The following ZFHX3 variants were observed in gnomAD, a reference collection of about 807,000 sequenced individuals.
ZFHX3 encodes zinc finger homeobox 3.
ZFHX3 carries 42 observed loss-of-function variants against 279.1 expected under a neutral mutation model. That is an observed-to-expected ratio of 0.15 (90% confidence interval 0.12 to 0.19). The LOEUF is 0.19. Among genes scored for constraint, ZFHX3 ranks in the 10% least tolerant of loss-of-function variants. The pLI, the probability that ZFHX3 is intolerant of heterozygous loss-of-function variation, is 1.00. For synonymous variants in ZFHX3, 2,293 were observed against 1,957.8 expected (o/e 1.17, Z -4.52); for missense variants, 4,981 against 4,754.0 (o/e 1.05, Z -1.40).
intron 1 of ZFHX3, among the ~76,000 whole-genome samples, chr16:73,004,515 T>G (rs1430841081): frequency 6.6e-6 from 1 of 151,834 alleles, no homozygotes; most frequent in East Asian, 1.9e-4. Context: ...GGTTTCCCCA[T>G]GTTGGCCAGG....
chr16:73,631,842 G>A (rs770129802), intron 2 of ZFHX3, among the ~76,000 whole-genome samples: 150 of 152,050 alleles, frequency 9.9e-4, no homozygotes, highest in Non-Finnish European at 1.7e-3. Context: ...GGGAGGTGGA[G>A]GTTGCAGTGA....
chr16:72,987,242 A>C (rs1317938015), intron 1 of ZFHX3, among the ~76,000 whole-genome samples: 1 of 152,068 alleles, frequency 6.6e-6, no homozygotes, highest in Non-Finnish European at 1.5e-5. Flanking sequence ...CCCATCCCTC[A>C]CTCAACTCTC....
At chr16:72,946,316 G>C (rs1960673801) in intron 3 of ZFHX3, among the ~76,000 whole-genome samples, 1 of 152,178 alleles carries the variant, frequency 6.6e-6, no homozygotes, top group Non-Finnish European at 1.5e-5. Context: ...ATGTGGCCCA[G>C]ACTCAACACC....
intron 6 of ZFHX3, chr16:73,131,171 C>A: frequency 2.4e-6 from 1 of 416,810 alleles, no homozygotes; most frequent in Non-Finnish European, 5.0e-6. Context: ...TATGAAAATA[C>A]CATGAGCACA....
At chr16:72,848,941 T>C (rs2037545371) in intron 4 of ZFHX3, among the ~76,000 whole-genome samples, 1 of 152,076 alleles carries the variant, frequency 6.6e-6, no homozygotes, top group African/African-American at 2.4e-5. Flanking sequence ...GCTGCCAGGT[T>C]ATGCTTGGCA....
chr16:72,856,131 G>A (rs550121314), intron 4 of ZFHX3, among the ~76,000 whole-genome samples: 23 of 152,358 alleles, frequency 1.5e-4, no homozygotes, highest in African/African-American at 4.8e-4. Flanking sequence ...TTAGCAATGA[G>A]TGTTTAGAGC....
chr16:72,968,021 AAAC>A (rs1177492412), intron 1 of ZFHX3, among the ~76,000 whole-genome samples: 3 of 151,368 alleles, frequency 2.0e-5, no homozygotes, highest in Admixed American at 6.6e-5. Flanking sequence ...GGAAAAAAAA[AAAC>A]AACAACAATA....
chr16:73,303,963 GAAAAAA>G (rs201865011), intron 4 of ZFHX3, among the ~76,000 whole-genome samples: 32 of 76,130 alleles, frequency 4.2e-4, no homozygotes, highest in Non-Finnish European at 7.4e-4. Context: ...ACCCTAGGTG[GAAAAAA>G]AAAAAAAAAA....
chr16:73,430,884 C>A (rs145514373), intron 3 of ZFHX3, among the ~76,000 whole-genome samples: 190 of 152,306 alleles, frequency 1.2e-3, no homozygotes, highest in African/African-American at 4.4e-3. Flanking sequence ...CGCTAATTAC[C>A]TTTGTGTTTC....
intron 7 of ZFHX3, chr16:73,126,509 A>C (rs1218658038): frequency 6.6e-6 from 1 of 152,206 alleles, no homozygotes; most frequent in Non-Finnish European, 1.5e-5. Flanking sequence ...GGTGAATGAT[A>C]GTATTAGATG....
intron 2 of ZFHX3, among the ~76,000 whole-genome samples, chr16:73,593,756 C>T (rs1220694049): frequency 2.0e-5 from 3 of 152,106 alleles, no homozygotes; most frequent in Non-Finnish European, 4.4e-5. Flanking sequence ...GATGACTGTA[C>T]TGTAAGTCAC....
At chr16:73,091,465 A>G (rs1966080978) in intron 8 of ZFHX3, among the ~76,000 whole-genome samples, 1 of 152,166 alleles carries the variant, frequency 6.6e-6, no homozygotes, top group South Asian at 2.1e-4. Flanking sequence ...CTCGAAGGCC[A>G]GCACACACTC....
intron 2 of ZFHX3, among the ~76,000 whole-genome samples, chr16:73,539,567 T>TGCCA (rs1180487134): frequency 6.6e-6 from 1 of 150,642 alleles, no homozygotes; most frequent in Non-Finnish European, 1.5e-5. Flanking sequence ...CAAAGCAGCA[T>TGCCA]GCCAGCAACA....
intron 2 of ZFHX3, among the ~76,000 whole-genome samples, chr16:73,534,164 C>T (rs1328727074): frequency 1.3e-5 from 2 of 152,144 alleles, no homozygotes; most frequent in Non-Finnish European, 2.9e-5. Context: ...TTCTCTTCCC[C>T]TTGCCCATTC....
chr16:73,313,852 A>C (rs2015384485), intron 4 of ZFHX3, among the ~76,000 whole-genome samples: 1 of 152,210 alleles, frequency 6.6e-6, no homozygotes, highest in Non-Finnish European at 1.5e-5. Flanking sequence ...TCACACCTGT[A>C]ATCCCAACAC....
At chr16:73,144,965 A>G (rs1425765583) in intron 5 of ZFHX3, among the ~76,000 whole-genome samples, 1 of 152,114 alleles carries the variant, frequency 6.6e-6, no homozygotes, top group Non-Finnish European at 1.5e-5. Context: ...CCCTCATATA[A>G]TGTACATTTC....
intron 3 of ZFHX3, among the ~76,000 whole-genome samples, chr16:73,452,354 A>G (rs1156449266): frequency 1.3e-5 from 2 of 152,200 alleles, no homozygotes; most frequent in African/African-American, 4.8e-5. Context: ...TTAAAAACAC[A>G]TCTTTCATCA....
intron 2 of ZFHX3, among the ~76,000 whole-genome samples, chr16:73,669,991 G>A (rs541940102): frequency 1.1e-3 from 166 of 152,156 alleles, no homozygotes; most frequent in Admixed American, 2.6e-3. Context: ...AAGTTTTATC[G>A]AAGATTAAAC....
chr16:72,871,910 C>T (rs771380709), intron 4 of ZFHX3, among the ~76,000 whole-genome samples: 9 of 152,100 alleles, frequency 5.9e-5, no homozygotes, highest in Non-Finnish European at 1.2e-4. Flanking sequence ...ACAGTGAAAC[C>T]GTGTCTCTAC....
Sources: allele counts gnomAD v4.1 joint callset (sites outside exome capture counted in the v4.1 genomes callset), GRCh38; gene constraint gnomAD v4.1.1; transcripts MANE v1.5; gene names NCBI Gene and HGNC (gene_info 2026-07-23, HGNC 2026-07-21).